OCRL: variants seen among roughly 807,000 people sequenced by gnomAD.
The protein encoded by OCRL is OCRL inositol polyphosphate-5-phosphatase, also known as inositol polyphosphate 5-phosphatase OCRL.
A neutral mutation model predicts 78.9 loss-of-function variants in OCRL; 8 were observed. That is an observed-to-expected ratio of 0.10 (90% confidence interval 0.06 to 0.18). The LOEUF is 0.18. Among genes scored for constraint, OCRL ranks in the 10% least tolerant of loss-of-function variants. OCRL has a pLI of 1.00. For synonymous variants in OCRL, 240 were observed against 235.4 expected (o/e 1.02, Z -0.18); for missense variants, 454 against 696.7 (o/e 0.65, Z 3.92).
intron 3 of OCRL, among the ~76,000 whole-genome samples, chrX:129,546,089 G>A (rs1401468738): frequency 1.8e-5 from 2 of 111,905 alleles, no homozygotes; most frequent in African/African-American, 6.5e-5. Flanking sequence ...TAATCACTAA[G>A]TGACATGTAC....
rs1370667564 is a variant in OCRL, at chrX:129,590,348, G to A, written c.*78G>A. ...ATTTCAGAATGATTTAAAAAGTCATGCCACAGGAAGGGTCTATTGCAGAAT... is the reference window on the plus strand; with the variant it reads ...ATTTCAGAATGATTTAAAAAGTCATACCACAGGAAGGGTCTATTGCAGAAT... On this transcript the variant is annotated 3_prime_UTR_variant, in exon 24 of 24. Transcript: ENST00000371113. 9 of 1,130,134 alleles carry A rather than the reference G, an allele frequency of 8.0e-6. No individual in the cohort carries two copies. The highest frequency in any genetic ancestry group is 1.1e-5 in the Non-Finnish European group (9 of 826,137). The allele number at this position is 1,130,134 out of a possible 1,213,427, so 93.1% of individuals were successfully genotyped here. A position where few individuals can be genotyped will look rare whatever the true frequency, so the allele number is the denominator to read the frequency against.
Position 129,588,085 on chromosome X carries a change from T to C in OCRL, c.2257-94T>C. On this transcript the variant is annotated intron_variant, in intron 20 of 23. Transcript: ENST00000371113. Reference sequence around the variant, plus strand: ...TATTAACACACATACCACCCTTCCCTTTTGCTTCCTGCTGCTCTTCTGATC... The same window carrying C: ...TATTAACACACATACCACCCTTCCCCTTTGCTTCCTGCTGCTCTTCTGATC... 5 of 646,340 alleles carry C rather than the reference T, an allele frequency of 7.7e-6. No homozygotes were observed. In the Admixed American group the frequency reaches 1.1e-4, roughly 15 times the overall value. 53.3% of individuals were successfully genotyped at this position (646,340 alleles called of 1,213,427 possible).
intron 4 of OCRL, among the ~76,000 whole-genome samples, chrX:129,551,492 C>T (rs1413872252): frequency 8.1e-5 from 9 of 111,652 alleles, no homozygotes; most frequent in East Asian, 5.6e-4. Context: ...TGGAGTGCAG[C>T]GGTGCCATCT....
chrX:129,577,194 CA>C (rs1033092539), intron 18 of OCRL, among the ~76,000 whole-genome samples: 2 of 111,674 alleles, frequency 1.8e-5, no homozygotes, highest in African/African-American at 6.5e-5. Flanking sequence ...ATGGAGCCTA[CA>C]GATCTGCATT....
At chrX:129,569,495 A>G in intron 15 of OCRL, 96 bp downstream of exon 15, 3 of 965,246 alleles carry the variant, frequency 3.1e-6, no homozygotes, top group African/African-American at 3.8e-5. Context: ...TCAGCAAGCC[A>G]TAAATGTTCC....
intron 22 of OCRL, chrX:129,589,552 GGA>G: frequency 2.8e-6 from 1 of 357,139 alleles, no homozygotes; most frequent in East Asian, 5.2e-5. Flanking sequence ...TACGGAAATG[GGA>G]AAAGAACAGA....
intron 15 of OCRL, among the ~76,000 whole-genome samples, chrX:129,572,239 T>G (rs1222289503): frequency 9.0e-6 from 1 of 111,655 alleles, no homozygotes; most frequent in Non-Finnish European, 1.9e-5. Flanking sequence ...TATATGTATG[T>G]GTTGGTCTGC....
chrX:129,577,719 A>G (rs1370169596), intron 18 of OCRL, among the ~76,000 whole-genome samples: 1 of 111,814 alleles, frequency 8.9e-6, no homozygotes, highest in Non-Finnish European at 1.9e-5. Flanking sequence ...TTGGAATTAT[A>G]CTTATTTCCC....
chrX:129,558,798 G>A (rs1402152343), intron 7 of OCRL, 42 bp from the exon 8 acceptor site: 13 of 1,211,654 alleles, frequency 1.1e-5, no homozygotes, highest in African/African-American at 1.7e-5. Context: ...GAGAATTATA[G>A]TTTAAACAAT....
intron 12 of OCRL, 119 bp from the exon 13 acceptor site, chrX:129,565,653 T>G: frequency 1.8e-6 from 1 of 559,566 alleles, no homozygotes; most frequent in Non-Finnish European, 3.1e-6. Context: ...TTTAAACCCC[T>G]TGTGAGATAG....
intron 2 of OCRL, 35 bp from the exon 3 acceptor site, chrX:129,544,923 G>A (rs1293182781): frequency 1.4e-5 from 12 of 876,649 alleles, no homozygotes; most frequent in Non-Finnish European, 1.5e-5. Flanking sequence ...GAGTTTTTCA[G>A]TGGCTGTTCT....
chrX:129,550,146 C>G (rs1019876011), intron 4 of OCRL, among the ~76,000 whole-genome samples: 1 of 112,134 alleles, frequency 8.9e-6, no homozygotes, highest in Non-Finnish European at 1.9e-5. Flanking sequence ...ATAATTTTTT[C>G]TCACAGAAGT....
At chrX:129,559,120 G>A (rs1339453962) in intron 8 of OCRL, 119 bp downstream of exon 8, 6 of 664,727 alleles carry the variant, frequency 9.0e-6, no homozygotes, top group Non-Finnish European at 1.4e-5. Flanking sequence ...AGGAATGGTT[G>A]CCTGTTTCAA....
rs77125308 is a variant in OCRL, at chrX:129,552,070, A to C, written c.238+3469A>C. On this transcript the variant is annotated intron_variant, in intron 4 of 23. Transcript: ENST00000371113. Reference sequence around the variant, plus strand: ...TCTTGTAAGCCTTGTCTTAAATCTGAATTTTGAGATTTCAAAAATGAGAAT... The same window carrying C: ...TCTTGTAAGCCTTGTCTTAAATCTGCATTTTGAGATTTCAAAAATGAGAAT... Among the ~76,000 whole-genome samples, 70 of 111,967 alleles carry C rather than the reference A, an allele frequency of 6.3e-4. 2 individuals carry two copies. The East Asian group carries it at 6.4e-3, about 10-fold the overall frequency.
chrX:129,582,205 C>G (rs1936452420), intron 18 of OCRL, among the ~76,000 whole-genome samples: 1 of 111,159 alleles, frequency 9.0e-6, no homozygotes, highest in Non-Finnish European at 1.9e-5. Context: ...CTCCCCATCT[C>G]TACCCTTTAA....
intron 15 of OCRL, among the ~76,000 whole-genome samples, chrX:129,569,842 T>C (rs1427986911): frequency 7.3e-4 from 68 of 93,641 alleles, no homozygotes; most frequent in African/African-American, 2.4e-3. Context: ...TATTTTTTCT[T>C]TTTTTTTTTT....
At chrX:129,577,640 C>T (rs1936387104) in intron 18 of OCRL, among the ~76,000 whole-genome samples, 1 of 111,423 alleles carries the variant, frequency 9.0e-6, no homozygotes, top group Admixed American at 9.5e-5. Context: ...TGTTCTGTTG[C>T]CATGGAATTG....
rs761702991 is a variant in OCRL at position 129,575,297 on chromosome X, G to A, written c.1713+47G>A. 10 of 874,473 alleles carry A rather than the reference G, an allele frequency of 1.1e-5. No homozygotes were observed. In the South Asian group the frequency reaches 1.7e-4, roughly 15 times the overall value. 72.1% of individuals were successfully genotyped at this position (874,473 alleles called of 1,213,427 possible). ...CCCTGTCTACTGCTCACTGTGGTTA[G>A]CACAGAAGAAACTGCTACTTAGAAA... is the stretch of plus-strand genomic sequence containing the variant. On this transcript the variant is annotated intron_variant, in intron 16 of 23. Coordinates refer to ENST00000371113, the MANE Select transcript of OCRL (RefSeq NM_000276.4).
At chrX:129,541,179 C>T (rs1935794015) in intron 2 of OCRL, among the ~76,000 whole-genome samples, 1 of 112,444 alleles carries the variant, frequency 8.9e-6, no homozygotes, top group African/African-American at 3.2e-5. Context: ...ACTGCCTTAC[C>T]TTACAGCCTT....
Sources: gnomAD v4.1 joint callset for allele counts (sites outside exome capture counted in the v4.1 genomes callset) on GRCh38, gnomAD v4.1.1 for gene constraint, MANE v1.5 for transcripts, NCBI Gene and HGNC (gene_info 2026-07-23, HGNC 2026-07-21) for gene names.